CDH2: variants seen among roughly 807,000 people sequenced by gnomAD.
The protein encoded by CDH2 is cadherin-2.
CDH2 carries 17 observed loss-of-function variants against 92.0 expected under a neutral mutation model. The ratio of observed to expected loss-of-function variants is 0.18; its 90% CI spans 0.13 to 0.28. The LOEUF (loss-of-function observed/expected upper bound fraction) is 0.28, where lower values mean the gene tolerates loss of function less well. Ranked by LOEUF, CDH2 falls within the 10% of genes least tolerant of loss-of-function variation. The pLI is 1.00. For synonymous variants in CDH2, 419 were observed against 415.9 expected, an observed-to-expected ratio of 1.01 and a Z score of -0.09; for missense variants, 862 against 1,133.1, an observed-to-expected ratio of 0.76 and a Z score of 3.44.
chr18:27,982,793 A>C, intron 14 of CDH2, 151 bp downstream of exon 14: 1 of 436,216 alleles, frequency 2.3e-6, no homozygotes, highest in East Asian at 3.6e-5. Flanking sequence ...AAAATTTGAG[A>C]AATATTCAAC....
Position 27,990,083 on chromosome 18 carries a change from A to G in CDH2, c.1598+14T>C. 3 of 1,610,588 alleles carry G rather than the reference A, an allele frequency of 1.9e-6. No homozygotes were observed. The highest frequency in any genetic ancestry group is 2.5e-6 in the Non-Finnish European group (3 of 1,176,878). On this transcript the variant is annotated intron_variant, in intron 10 of 15. Coordinates refer to ENST00000269141, the MANE Select transcript of CDH2 (RefSeq NM_001792.5). Reference sequence around the variant, plus strand: ...TAAGTAAGCTACAAAAACACTACAAACAGCATTTCATACCTAATATTTTGC... The same window carrying G: ...TAAGTAAGCTACAAAAACACTACAAGCAGCATTTCATACCTAATATTTTGC...
At chr18:27,946,344 GAAAA>G (rs1437573198), downstream of CDH2, among the ~76,000 whole-genome samples, 2 of 151,536 alleles carry the variant, frequency 1.3e-5, no homozygotes, top group Non-Finnish European at 3.0e-5. Context: ...AAGTAAAAAA[GAAAA>G]AAGGGAGAAA....
chr18:28,136,384 ATCT>A (rs2015862429), intron 2 of CDH2, among the ~76,000 whole-genome samples: 1 of 150,382 alleles, frequency 6.6e-6, no homozygotes, highest in Non-Finnish European at 1.5e-5. Context: ...CTTTGCTGTA[ATCT>A]TTTTTTTTTT....
rs17493870 is a variant in CDH2, at chr18:28,031,669, C to T, written c.173-17760G>A. ...TATATTTGAAATACTGAACAATGGA[C>T]GAGAAGGAAGAGGAAAGAACAGAGG... On this transcript the variant is annotated intron_variant, in intron 2 of 15. Coordinates refer to ENST00000269141, the MANE Select transcript of CDH2 (RefSeq NM_001792.5). Among the ~76,000 whole-genome samples the T allele has an allele frequency of 1.7e-3, 252 of 151,712 alleles. 2 individuals are homozygous for T. The highest frequency in any genetic ancestry group is 5.6e-3 in the African/African-American group (233 of 41,368).
intron 1 of CDH2, among the ~76,000 whole-genome samples, chr18:28,158,438 A>C (rs777849534): frequency 4.6e-5 from 7 of 152,204 alleles, no homozygotes; most frequent in Non-Finnish European, 1.0e-4. Flanking sequence ...TTGTCCACCC[A>C]TGGATATCTT....
At chr18:27,990,427 T>C (rs1464976596) in intron 9 of CDH2, 77 bp from the exon 10 acceptor site, 2 of 1,374,052 alleles carry the variant, frequency 1.5e-6, no homozygotes, top group African/African-American at 2.9e-5. Context: ...CTCTATCAAC[T>C]CCATTTCCAA....
rs62103109 is a variant in CDH2, at chr18:28,109,758, C to T, written c.172+37915G>A. ...ATGAAACTCTTTTTTAAAAATTCCA[C>T]GTCCAGGTAATCTGAAGATCAAGAA... On this transcript the variant is annotated intron_variant, in intron 2 of 15. Coordinates refer to ENST00000269141, the MANE Select transcript of CDH2 (RefSeq NM_001792.5). 3.6e-3 allele frequency among the ~76,000 whole-genome samples: 555 copies of T among 152,280 alleles called. 2 individuals carry two copies. Among genetic ancestry groups the T allele is most frequent in the Non-Finnish European group, 5.5e-3 (377 of 68,022 alleles).
intron 2 of CDH2, among the ~76,000 whole-genome samples, chr18:28,087,114 C>T (rs1357728835): frequency 1.3e-5 from 2 of 152,140 alleles, no homozygotes; most frequent in Non-Finnish European, 2.9e-5. Flanking sequence ...CTTTTCATGT[C>T]TCTTACTTAT....
At chr18:27,948,041 A>G (rs190026032), downstream of CDH2, among the ~76,000 whole-genome samples, 16 of 149,186 alleles carry the variant, frequency 1.1e-4, no homozygotes, top group East Asian at 3.2e-3. Context: ...TAACTTTGAT[A>G]TAAGTGTGTA....
intron 2 of CDH2, among the ~76,000 whole-genome samples, chr18:28,046,289 A>C (rs1236319453): frequency 6.6e-6 from 1 of 152,228 alleles, no homozygotes; most frequent in Non-Finnish European, 1.5e-5. Context: ...ACATTTACAC[A>C]TAACTTCCTT....
At chr18:28,061,315 A>C (rs1408574748) in intron 2 of CDH2, among the ~76,000 whole-genome samples, 3 of 152,154 alleles carry the variant, frequency 2.0e-5, no homozygotes, top group African/African-American at 7.2e-5. Flanking sequence ...TTGTTTATTA[A>C]GTGTACTTCC....
chr18:28,162,614 C>T (rs2016322886), intron 1 of CDH2, among the ~76,000 whole-genome samples: 1 of 152,194 alleles, frequency 6.6e-6, no homozygotes, highest in East Asian at 1.9e-4. Context: ...TTTAAATCCT[C>T]ATTCTAAAGT....
At chr18:28,153,172 A>G (rs929957232) in intron 1 of CDH2, among the ~76,000 whole-genome samples, 1 of 152,094 alleles carries the variant, frequency 6.6e-6, no homozygotes, top group African/African-American at 2.4e-5. Flanking sequence ...AAAGAGGGGG[A>G]AGTGGAAAAG....
intron 2 of CDH2, among the ~76,000 whole-genome samples, chr18:28,054,157 G>A (rs1215266658): frequency 6.6e-6 from 1 of 152,092 alleles, no homozygotes; most frequent in African/African-American, 2.4e-5. Context: ...GGTAGGTAAG[G>A]TTACTAGAAT....
At chr18:27,960,444 T>G (rs531993781) in intron 15 of CDH2, among the ~76,000 whole-genome samples, 1 of 152,326 alleles carries the variant, frequency 6.6e-6, no homozygotes, top group South Asian at 2.1e-4. Context: ...TAGAGTTCTC[T>G]GTAGATAGCC....
In CDH2 at chr18:28,027,230, T is replaced by A. The variant is rs913797223; in HGVS notation, c.173-13321A>T. Among the ~76,000 whole-genome samples, 7 of 151,882 alleles carry A rather than the reference T, an allele frequency of 4.6e-5. No individual in the cohort carries two copies. The South Asian group carries it at 1.2e-3, about 27-fold the overall frequency. ...GTGTCTAATAAGGCCTCAGCTTGAGTGACCTACAACAAGACAGTAAAATTA... is the reference window on the plus strand; with the variant it reads ...GTGTCTAATAAGGCCTCAGCTTGAGAGACCTACAACAAGACAGTAAAATTA... On this transcript the variant is annotated intron_variant, in intron 2 of 15. Coordinates refer to ENST00000269141, the MANE Select transcript of CDH2 (RefSeq NM_001792.5).
chr18:28,063,132 T>A (rs942629695), intron 2 of CDH2, among the ~76,000 whole-genome samples: 1 of 152,222 alleles, frequency 6.6e-6, no homozygotes, highest in Non-Finnish European at 1.5e-5. Context: ...GATTTTTTTA[T>A]AATAAAAGTA....
chr18:28,175,630 C>G (rs930111895), intron 1 of CDH2, among the ~76,000 whole-genome samples: 2 of 152,188 alleles, frequency 1.3e-5, no homozygotes, highest in Non-Finnish European at 2.9e-5. Flanking sequence ...CACTCACCCC[C>G]CGGCGGGCCG....
intron 2 of CDH2, among the ~76,000 whole-genome samples, chr18:28,096,222 T>C (rs1039250234): frequency 1.1e-4 from 16 of 152,170 alleles, no homozygotes; most frequent in African/African-American, 3.6e-4. Flanking sequence ...TGGAATGACC[T>C]TTACTGTGAC....
Sources: gnomAD v4.1 joint callset for allele counts (sites outside exome capture counted in the v4.1 genomes callset) on GRCh38, gnomAD v4.1.1 for gene constraint, MANE v1.5 for transcripts, NCBI Gene and HGNC (gene_info 2026-07-23, HGNC 2026-07-21) for gene names.